OPN5: variants seen among roughly 807,000 people sequenced by gnomAD.
The protein encoded by OPN5 is opsin 5.
OPN5 carries 18 observed loss-of-function variants against 41.7 expected under a neutral mutation model. That is an observed-to-expected ratio of 0.43 (90% confidence interval 0.30 to 0.64). The LOEUF is 0.64. Among genes scored for constraint, OPN5 ranks in the 30% least tolerant of loss-of-function variants. The probability of loss-of-function intolerance (pLI) is 0.13; values close to 1 mark genes in which losing one functional copy is unlikely to be tolerated. For synonymous variants in OPN5, 178 were observed against 164.3 expected, an observed-to-expected ratio of 1.08 and a Z score of -0.64; for missense variants, 318 against 434.5, an observed-to-expected ratio of 0.73 and a Z score of 2.38.
At chr6:47,792,726 G>A (rs1773419417) in intron 3 of OPN5, among the ~76,000 whole-genome samples, 1 of 152,160 alleles carries the variant, frequency 6.6e-6, no homozygotes, top group East Asian at 1.9e-4. Flanking sequence ...CCAAGGAACA[G>A]TACTGACTTC....
chr6:47,824,143 CAAT>C (rs1762722494), exon 7 of OPN5: 4 of 670,374 alleles, frequency 6.0e-6, no homozygotes, highest in Non-Finnish European at 1.1e-5. Context: ...AATATCAAAA[CAAT>C]GATGCACCCT....
chr6:47,783,389 C>T (rs574390526), intron 1 of OPN5, among the ~76,000 whole-genome samples: 63 of 152,098 alleles, frequency 4.1e-4, no homozygotes, highest in Admixed American at 3.9e-4. Flanking sequence ...ACCCTTCTTC[C>T]CTTCCTCCCT....
intron 6 of OPN5, among the ~76,000 whole-genome samples, chr6:47,816,120 G>A (rs1046950082): frequency 6.6e-6 from 1 of 152,096 alleles, no homozygotes; most frequent in African/African-American, 2.4e-5. Context: ...GGCAAATACT[G>A]CATTCACTCA....
chr6:47,789,511 TG>T (rs1347987102), intron 2 of OPN5, among the ~76,000 whole-genome samples: 1 of 152,092 alleles, frequency 6.6e-6, no homozygotes, highest in East Asian at 1.9e-4. Context: ...TACCAGGCAT[TG>T]AAAAATTTGT....
rs563666729 is a variant in OPN5 at position 47,802,821 on chromosome 6, GATGCATAGAGTGAC to G, written c.757-5329_757-5316del. Among the ~76,000 whole-genome samples, 244 of 152,298 alleles carry G rather than the reference GATGCATAGAGTGAC, an allele frequency of 1.6e-3. 3 individuals carry two copies. Among genetic ancestry groups the G allele is most frequent in the African/African-American group, 5.5e-3 (228 of 41,570 alleles). On this transcript the variant is annotated intron_variant, in intron 4 of 6. Transcript: ENST00000371211. ...TTTTGGACCAAAACCCCAAAACACAGATGCATAGAGTGACATGACCTAATTTACTGCCTCTCTTT... is the reference window on the plus strand; with the variant it reads ...TTTTGGACCAAAACCCCAAAACACAGATGACCTAATTTACTGCCTCTCTTT...
At chr6:47,801,587 C>T (rs1773775498) in intron 4 of OPN5, among the ~76,000 whole-genome samples, 1 of 152,126 alleles carries the variant, frequency 6.6e-6, no homozygotes, top group African/African-American at 2.4e-5. Flanking sequence ...TAATTACATC[C>T]CTCTGTTCTT....
At chr6:47,793,806 A>G (rs902790818) in intron 3 of OPN5, 1 of 969,456 alleles carries the variant, frequency 1.0e-6, no homozygotes, top group South Asian at 4.8e-5. Flanking sequence ...AACCCTAACC[A>G]TAAATGCTTA....
At chr6:47,790,236 A>G (rs569322584) in intron 2 of OPN5, among the ~76,000 whole-genome samples, 4 of 152,346 alleles carry the variant, frequency 2.6e-5, no homozygotes, top group African/African-American at 9.6e-5. Context: ...TAAAACAGTG[A>G]ATTTTTTTCT....
chr6:47,821,711 C>G (rs1290817203), intron 6 of OPN5, among the ~76,000 whole-genome samples: 1 of 152,096 alleles, frequency 6.6e-6, no homozygotes, highest in African/African-American at 2.4e-5. Context: ...TTTGAAGTAC[C>G]TATATTAGAG....
intron 3 of OPN5, among the ~76,000 whole-genome samples, chr6:47,792,358 T>C (rs1380134654): frequency 6.6e-6 from 1 of 152,224 alleles, no homozygotes; most frequent in Non-Finnish European, 1.5e-5. Flanking sequence ...AAAAGCTGTT[T>C]AAGATTCTCC....
chr6:47,824,379 C>G (rs1226488498), exon 7 of OPN5: 1 of 256,714 alleles, frequency 3.9e-6, no homozygotes, highest in South Asian at 8.9e-5. Flanking sequence ...GCTACACTCC[C>G]CATCTGTAAT....
intron 6 of OPN5, among the ~76,000 whole-genome samples, chr6:47,817,172 G>A (rs1008898181): frequency 1.3e-5 from 2 of 152,250 alleles, no homozygotes; most frequent in Non-Finnish European, 2.9e-5. Flanking sequence ...TCCGGTGGGA[G>A]TCATCATGGA....
chr6:47,805,189 C>T lies in OPN5; in HGVS notation c.757-2965C>T, dbSNP rs1773914041. Among the ~76,000 whole-genome samples, 4 of 152,202 alleles carry T rather than the reference C, an allele frequency of 2.6e-5. No homozygotes were observed. The South Asian group carries it at 8.3e-4, about 32-fold the overall frequency. The stretch of plus-strand genomic sequence containing the variant: ...CAAGCAAAAGTCACACAGACATAAC[C>T]AAATAAAAATTTCTCCTGGGTAAGC... On this transcript the variant is annotated intron_variant, in intron 4 of 6. Coordinates refer to ENST00000371211, the Ensembl canonical transcript of OPN5.
intron 4 of OPN5, among the ~76,000 whole-genome samples, chr6:47,805,256 G>A (rs1254012491): frequency 6.6e-6 from 1 of 152,170 alleles, no homozygotes; most frequent in Non-Finnish European, 1.5e-5. Flanking sequence ...GGAGAGCTGC[G>A]TGTGCACATT....
chr6:47,817,123 A>T (rs1247186119), intron 6 of OPN5, among the ~76,000 whole-genome samples: 3 of 152,116 alleles, frequency 2.0e-5, no homozygotes, highest in African/African-American at 7.2e-5. Flanking sequence ...CCATGATTGG[A>T]GGTGGCATGA....
rs1029838230 is a variant in OPN5 at position 47,785,360 on chromosome 6, C to T, written c.131-1155C>T. On this transcript the variant is annotated intron_variant, in intron 1 of 6. Transcript: ENST00000371211. ...TGAAAGCTAAAGAGGTTTTAATGGA[C>T]CATTAAGCAGCACTGACTCCAGGGA... Among the ~76,000 whole-genome samples, 5 of 152,188 alleles carry T rather than the reference C, an allele frequency of 3.3e-5. No homozygotes were observed. In the South Asian group the frequency reaches 1.0e-3, roughly 32 times the overall value.
chr6:47,786,577 C>A, exon 2 of OPN5: 2 of 1,610,552 alleles, frequency 1.2e-6, no homozygotes, highest in Non-Finnish European at 1.7e-6. Context: ...AAAGAAGAAG[C>A]TGAGACCCGC....
intron 2 of OPN5, among the ~76,000 whole-genome samples, chr6:47,790,904 C>T (rs1225847483): frequency 6.6e-6 from 1 of 152,088 alleles, no homozygotes; most frequent in Non-Finnish European, 1.5e-5. Flanking sequence ...GTGTTAGAAA[C>T]CATATTCCTC....
intron 6 of OPN5, among the ~76,000 whole-genome samples, chr6:47,816,132 T>C (rs1222830476): frequency 6.6e-6 from 1 of 152,184 alleles, no homozygotes; most frequent in Non-Finnish European, 1.5e-5. Flanking sequence ...ATTCACTCAT[T>C]CAGCTTTGCA....
Sources: gnomAD v4.1 joint callset for allele counts (sites outside exome capture counted in the v4.1 genomes callset) on GRCh38, gnomAD v4.1.1 for gene constraint, MANE v1.5 for transcripts, NCBI Gene and HGNC (gene_info 2026-07-23, HGNC 2026-07-21) for gene names.